Variants in WDR59 observed in about 807,000 individuals in gnomAD.
WDR59 encodes the protein WD repeat domain 59, also known as GATOR2 complex protein WDR59.
WDR59 carries 100 observed loss-of-function variants against 131.2 expected under a neutral mutation model. That is an observed-to-expected ratio of 0.76 (90% CI 0.65 to 0.90). The LOEUF (loss-of-function observed/expected upper bound fraction) is 0.90, where lower values mean the gene tolerates loss of function less well. Ranked by LOEUF, WDR59 falls within the 40% of genes least tolerant of loss-of-function variation. WDR59 has a pLI of 0.00. For missense variants in WDR59, 1,203 were observed against 1,262.2 expected, an observed-to-expected ratio of 0.95 and a Z score of 0.71; for synonymous variants, 601 against 466.2, an observed-to-expected ratio of 1.29 and a Z score of -3.72.
At position 74,876,295 on chromosome 16, in the gene WDR59, G is replaced by A. The variant is rs577070288; in HGVS notation, c.2690-1851C>T. Among the ~76,000 whole-genome samples the A allele has an allele frequency of 3.3e-5, 5 of 152,220 alleles. No individual in the cohort carries two copies. The East Asian group carries it at 9.7e-4, about 29-fold the overall frequency. ...AAATAGCTATGTCTTCTCCCTCTAA[G>A]CATAATTTTTTATATTATGTACAAA... On this transcript the variant is annotated intron_variant, in intron 25 of 25. Coordinates refer to ENST00000262144, the MANE Select transcript of WDR59 (RefSeq NM_030581.4).
At chr16:74,915,846 G>C (rs1966341606) in intron 13 of WDR59, 24 bp downstream of exon 13, 1 of 1,614,170 alleles carries the variant, frequency 6.2e-7, no homozygotes, top group Non-Finnish European at 8.5e-7. Context: ...GCAAACATGA[G>C]ATACAGTTGA....
At chr16:74,885,629 GAA>G (rs1964716822) in intron 25 of WDR59, 22 bp downstream of exon 25, 1 of 1,612,390 alleles carries the variant, frequency 6.2e-7, no homozygotes, top group Non-Finnish European at 8.5e-7. Flanking sequence ...ACAGTGAAAG[GAA>G]GAGAGAGAAA....
intron 18 of WDR59, among the ~76,000 whole-genome samples, chr16:74,902,816 G>C (rs1483243427): frequency 6.6e-6 from 1 of 152,046 alleles, no homozygotes; most frequent in Non-Finnish European, 1.5e-5. Context: ...GAAAGGACTT[G>C]GAAATGATAT....
intron 1 of WDR59, among the ~76,000 whole-genome samples, chr16:74,969,488 G>T (rs1597811680): frequency 6.6e-6 from 1 of 152,016 alleles, no homozygotes; most frequent in Non-Finnish European, 1.5e-5. Flanking sequence ...AGCCAGGATG[G>T]TCTCAATCTC....
At chr16:74,969,686 C>T (rs778652121) in intron 1 of WDR59, among the ~76,000 whole-genome samples, 3 of 152,066 alleles carry the variant, frequency 2.0e-5, no homozygotes, top group Non-Finnish European at 4.4e-5. Context: ...TCTCCTGCCT[C>T]AGCCTCCCAA....
At chr16:74,977,485 G>A (rs559555114) in intron 1 of WDR59, among the ~76,000 whole-genome samples, 4 of 151,758 alleles carry the variant, frequency 2.6e-5, no homozygotes, top group African/African-American at 4.8e-5. Context: ...TCAGGAGATC[G>A]AGACCATCCT....
At chr16:74,984,854 G>T (rs2145283295) in intron 1 of WDR59, 110 bp downstream of exon 1, 1 of 1,493,058 alleles carries the variant, frequency 6.7e-7, no homozygotes, top group Non-Finnish European at 9.1e-7. Flanking sequence ...CACCTCCTCA[G>T]TACGGGGCCT....
intron 17 of WDR59, among the ~76,000 whole-genome samples, chr16:74,906,692 A>G (rs1266396967): frequency 2.0e-5 from 3 of 152,222 alleles, no homozygotes; most frequent in Non-Finnish European, 2.9e-5. Flanking sequence ...ACATGCAGCA[A>G]TGTGGATCAA....
chr16:74,917,829 A>T, intron 11 of WDR59, 100 bp downstream of exon 11: 2 of 1,011,316 alleles, frequency 2.0e-6, no homozygotes, highest in South Asian at 1.6e-5. Context: ...AAAAAAAAAA[A>T]AAATTGTTTA....
intron 1 of WDR59, among the ~76,000 whole-genome samples, chr16:74,969,592 G>C (rs1421975602): frequency 1.3e-5 from 2 of 148,666 alleles, no homozygotes; most frequent in East Asian, 2.0e-4. Flanking sequence ...TTTTATTTTT[G>C]AGATGGAGTT....
intron 25 of WDR59, among the ~76,000 whole-genome samples, chr16:74,883,688 T>A (rs1304560042): frequency 6.6e-6 from 1 of 152,172 alleles, no homozygotes; most frequent in African/African-American, 2.4e-5. Flanking sequence ...TCTAACTCTC[T>A]CTGCCTTGCT....
chr16:74,885,701 C>T lies in WDR59; in HGVS notation c.2641G>A (p.Glu881Lys), dbSNP rs191535208. 6.2e-7 allele frequency: 1 copy of T among 1,614,154 alleles called. No homozygotes were observed. Among genetic ancestry groups the T allele is most frequent in the Non-Finnish European group, 8.5e-7 (1 of 1,180,020 alleles). Residue 881 changes from glutamate (E) to lysine (K), a missense_variant, in exon 25 of 26, where the codon GAA (glutamate) becomes AAA (lysine). Coordinates refer to ENST00000262144, the MANE Select transcript of WDR59 (RefSeq NM_030581.4). ...YRWGLREKRA[E>K]VLKFVSCPPD... ...GGACAGGAGACAAACTTCAACACTT[C>T]AGCTCGCTTCTCTCTCAGACCCCAA...
At chr16:74,920,886 G>A (rs1181235673) in intron 10 of WDR59, among the ~76,000 whole-genome samples, 2 of 152,096 alleles carry the variant, frequency 1.3e-5, no homozygotes, top group Non-Finnish European at 2.9e-5. Context: ...ATCCAGCAAT[G>A]GCTATCGTAA....
intron 25 of WDR59, among the ~76,000 whole-genome samples, chr16:74,876,991 G>C (rs907209737): frequency 6.6e-6 from 1 of 151,932 alleles, no homozygotes; most frequent in African/African-American, 2.4e-5. Context: ...GAGGGAAGAA[G>C]AATGACTCTG....
intron 2 of WDR59, 105 bp downstream of exon 2, chr16:74,965,668 T>A: frequency 1.4e-6 from 2 of 1,385,994 alleles, no homozygotes; most frequent in Non-Finnish European, 2.0e-6. Context: ...CTAAACCCTA[T>A]GATCATAATC....
At chr16:74,913,096 C>A (rs181042310) in intron 13 of WDR59, among the ~76,000 whole-genome samples, 1,719 of 150,054 alleles carry the variant, frequency 0.011, 29 homozygotes, top group African/African-American at 0.04. Context: ...CTGTTCCCAA[C>A]ATGTCCCCCT....
chr16:74,915,715 C>T (rs940898843), intron 13 of WDR59, 155 bp downstream of exon 13: 64 of 1,100,088 alleles, frequency 5.8e-5, no homozygotes, highest in African/African-American at 3.1e-5. Flanking sequence ...TGAGCCACCG[C>T]GCCTGGCCAG....
At chr16:74,953,495 C>G (rs1446903763) in intron 3 of WDR59, among the ~76,000 whole-genome samples, 1 of 150,304 alleles carries the variant, frequency 6.7e-6, no homozygotes, top group African/African-American at 2.4e-5. Flanking sequence ...AAAAAGTTGC[C>G]TTCCAACCAA....
intron 17 of WDR59, among the ~76,000 whole-genome samples, chr16:74,906,313 C>CAAAAAAA (rs762288713): frequency 4.0e-4 from 13 of 32,464 alleles, no homozygotes; most frequent in Admixed American, 6.0e-4. Context: ...GACTCCGTCT[C>CAAAAAAA]AAAAAAAAAA....
Sources: gnomAD v4.1 joint callset for allele counts (sites outside exome capture counted in the v4.1 genomes callset) on GRCh38, gnomAD v4.1.1 for gene constraint, MANE v1.5 for transcripts, NCBI Gene and HGNC (gene_info 2026-07-23, HGNC 2026-07-21) for gene names.